RIPK1: variants seen among roughly 807,000 people sequenced by gnomAD.
RIPK1 encodes receptor-interacting serine/threonine-protein kinase 1.
In RIPK1, 27 loss-of-function variants were observed where a neutral mutation model predicts 62.4. The observed-to-expected ratio is 0.43, with a 90% CI of 0.32 to 0.60. RIPK1 has a LOEUF of 0.60. Ranked by LOEUF, RIPK1 falls within the 20% of genes least tolerant of loss-of-function variation. The pLI is 0.07. For synonymous variants in RIPK1, 287 were observed against 303.2 expected, an observed-to-expected ratio of 0.95 and a Z score of 0.55; for missense variants, 735 against 831.0, an observed-to-expected ratio of 0.88 and a Z score of 1.42.
intron 6 of RIPK1, among the ~76,000 whole-genome samples, chr6:3,087,666 A>C (rs947063599): frequency 3.3e-5 from 5 of 151,274 alleles, no homozygotes; most frequent in Non-Finnish European, 7.4e-5. Context: ...CAGCCTCCCG[A>C]GTAGCTGGGA....
chr6:3,111,003 T>C (rs779902450), intron 10 of RIPK1, 48 bp downstream of exon 10: 7 of 1,402,446 alleles, frequency 5.0e-6, no homozygotes, highest in Non-Finnish European at 5.8e-6. Context: ...TGAACTTTCT[T>C]ACTTGTGAGA....
At chr6:3,082,712 C>T (rs968125004) in intron 4 of RIPK1, among the ~76,000 whole-genome samples, 4 of 152,176 alleles carry the variant, frequency 2.6e-5, no homozygotes, top group African/African-American at 9.7e-5. Flanking sequence ...AAGAAAATAA[C>T]CATTTTCCCC....
intron 8 of RIPK1, among the ~76,000 whole-genome samples, chr6:3,104,598 G>A (rs528396031): frequency 1.3e-5 from 2 of 152,298 alleles, no homozygotes; most frequent in African/African-American, 4.8e-5. Context: ...ATATGTGAGA[G>A]CAAAGTCCCT....
In RIPK1 at chr6:3,068,538, C is replaced by T. The variant is rs1758500533; in HGVS notation, c.-184C>T. 1.0e-6 allele frequency: 1 copy of T among 985,356 alleles called. No individual in the cohort carries two copies. The highest frequency in any genetic ancestry group is 1.7e-5 in the African/African-American group (1 of 57,340). 61.0% of individuals were successfully genotyped at this position (985,356 alleles called of 1,614,324 possible). On this transcript the variant is annotated 5_prime_UTR_variant, in exon 1 of 11. Transcript: ENST00000259808. ...GGCGCGCTCGACGCGGACGGCGGGC[C>T]AGCTGCCGGAGCGCGGCGACTCCAG... is the stretch of plus-strand genomic sequence containing the variant.
At chr6:3,073,682 G>C (rs1345690921) in intron 1 of RIPK1, among the ~76,000 whole-genome samples, 1 of 152,224 alleles carries the variant, frequency 6.6e-6, no homozygotes, top group Non-Finnish European at 1.5e-5. Context: ...TCCTCCGCTA[G>C]ACAGAGCTGG....
At chr6:3,081,875 A>G (rs1759405390) in intron 4 of RIPK1, among the ~76,000 whole-genome samples, 2 of 129,204 alleles carry the variant, frequency 1.5e-5, no homozygotes, top group South Asian at 4.7e-4. Context: ...AAAAAAAAAA[A>G]AAAAAAAAAA....
chr6:3,086,749 A>G (rs1759714882), intron 6 of RIPK1, among the ~76,000 whole-genome samples: 1 of 152,164 alleles, frequency 6.6e-6, no homozygotes, highest in Admixed American at 6.5e-5. Flanking sequence ...GTTTAAGGTG[A>G]TTTATGGAAG....
At position 3,113,646 on chromosome 6, in the gene RIPK1, C is replaced by T. The variant is rs77736895; in HGVS notation, c.*307C>T. ...AGCCAACAATCCGCTCTGAGGAAAG[C>T]GTAAGCAGGAAGACCTCTTAATGGC... On this transcript the variant is annotated 3_prime_UTR_variant, in exon 11 of 11. Transcript: ENST00000259808. This position sits in a 1 kb window ranked among gnomAD's most constrained non-coding sequence, Gnocchi z 5.0. The T allele has an allele frequency of 8.3e-3, 2,384 of 287,928 alleles. 62 individuals carry two copies. The highest frequency in any genetic ancestry group is 0.06 in the East Asian group (961 of 16,108). 17.8% of individuals were successfully genotyped at this position (287,928 alleles called of 1,614,324 possible).
rs767304634 is a variant in RIPK1, at chr6:3,113,297, G to A, written c.1974G>A (p.Arg658=). The change falls in exon 11 of 11, where the codon AGG becomes AGA. Residue 658 remains arginine (R), a synonymous_variant. Coordinates refer to ENST00000259808, the MANE Select transcript of RIPK1 (RefSeq NM_001354930.2). The surrounding 1 kb of genome is among the most constrained non-coding windows in gnomAD (Gnocchi z 5.0). ...KLAQALHQCS[R]IDLLSSLIYV... is the part of the protein sequence containing the mutation. ...CCCAGGCGCTCCACCAGTGTTCCAGGATCGACCTTCTGAGCAGCTTGATTT... is the reference window on the plus strand; with the variant it reads ...CCCAGGCGCTCCACCAGTGTTCCAGAATCGACCTTCTGAGCAGCTTGATTT... The A allele has an allele frequency of 1.9e-6, 3 of 1,614,148 alleles. No homozygotes were observed. Among genetic ancestry groups the A allele is most frequent in the Non-Finnish European group, 1.7e-6 (2 of 1,180,026 alleles).
At chr6:3,104,400 T>C (rs1760730140) in intron 8 of RIPK1, 85 bp downstream of exon 8, 1 of 708,710 alleles carries the variant, frequency 1.4e-6, no homozygotes, top group East Asian at 2.5e-5. Flanking sequence ...TTCAGGACCA[T>C]ATGGGAAACA....
At chr6:3,099,459 G>C (rs1760486886) in intron 7 of RIPK1, among the ~76,000 whole-genome samples, 1 of 152,218 alleles carries the variant, frequency 6.6e-6, no homozygotes. Flanking sequence ...CAGGAGAATG[G>C]TGTGAACCCA....
chr6:3,106,012 A>G lies in RIPK1; in HGVS notation c.1537A>G (p.Asn513Asp), dbSNP rs1325939636. The G allele has an allele frequency of 1.2e-6, 2 of 1,612,726 alleles. No individual in the cohort carries two copies. Among genetic ancestry groups the G allele is most frequent in the Non-Finnish European group, 1.7e-6 (2 of 1,178,764 alleles). ...IPVPETNYLG[N>D]TPTMPFSSLP... The stretch of plus-strand genomic sequence containing the variant: ...AGTGCCTGAGACCAACTATCTAGGA[A>G]ATACACCCACCATGCCATTCAGCTC... Residue 513 changes from asparagine (N) to aspartate (D), a missense_variant, in exon 9 of 11, where the codon AAT becomes GAT. Asn to Asp is a conservative substitution (Grantham distance 23). Around this residue, in one of 2 missense-constraint regions of RIPK1, gnomAD observed 671 missense variants for 726.2 expected, o/e 0.92. Coordinates refer to ENST00000259808, the MANE Select transcript of RIPK1 (RefSeq NM_001354930.2).
intron 9 of RIPK1, among the ~76,000 whole-genome samples, chr6:3,109,859 T>C (rs1180346061): frequency 3.9e-5 from 6 of 152,220 alleles, no homozygotes; most frequent in Non-Finnish European, 8.8e-5. Flanking sequence ...CCAGTCTAGG[T>C]ACCTCATGTG....
At position 3,114,592 on chromosome 6, in the gene RIPK1, T is replaced by C. The variant is rs1485396837; in HGVS notation, c.*1253T>C. ...TGGTCAATCTGGCTGTCGGAACAGA[T>C]TCTGGTGTCTTGGGCTGATAACAGT... On this transcript the variant is annotated 3_prime_UTR_variant, in exon 11 of 11. Coordinates refer to ENST00000259808, the MANE Select transcript of RIPK1 (RefSeq NM_001354930.2). The surrounding 1 kb of genome is among the most constrained non-coding windows in gnomAD (Gnocchi z 5.0). 6.6e-6 allele frequency: 1 copy of C among 152,284 alleles called. No individual in the cohort carries two copies. The highest frequency in any genetic ancestry group is 2.4e-5 in the African/African-American group (1 of 41,454). The allele number at this position is 152,284 out of a possible 1,614,324, so 9.4% of individuals were successfully genotyped here.
chr6:3,100,900 A>C lies in RIPK1; in HGVS notation c.916-3325A>C, dbSNP rs183646452. On this transcript the variant is annotated intron_variant, in intron 7 of 10. Transcript: ENST00000259808. ...GAGCCACCATGTCTGGCCTGTTTGA[A>C]TCTTTCAAAAGGACTTTGTACTTAA... Among the ~76,000 whole-genome samples, 578 of 152,286 alleles carry C rather than the reference A, an allele frequency of 3.8e-3. 1 individual carries two copies. Among genetic ancestry groups the C allele is most frequent in the Non-Finnish European group, 7.0e-3 (473 of 68,026 alleles).
chr6:3,084,735 A>T (rs1581399201), intron 5 of RIPK1, among the ~76,000 whole-genome samples: 1 of 152,014 alleles, frequency 6.6e-6, no homozygotes, highest in African/African-American at 2.4e-5. Flanking sequence ...CTGGGACTAC[A>T]GGTGCACACC....
intron 1 of RIPK1, among the ~76,000 whole-genome samples, chr6:3,075,242 T>G (rs750718208): frequency 6.6e-6 from 1 of 152,244 alleles, no homozygotes; most frequent in Non-Finnish European, 1.5e-5. Flanking sequence ...TTTTTAGTTT[T>G]GGATATCCTG....
At position 3,081,039 on chromosome 6, in the gene RIPK1, T is replaced by C; in HGVS notation, c.382T>C (p.Tyr128His). ...TTTGGAAATCATTGAAGGAATGTGC[T>C]ACTTACATGGAAAAGGCGTGATACA... is the stretch of plus-strand genomic sequence containing the variant. ...IILEIIEGMCYLHGKGVIHKD... is the reference protein window; with the variant it reads ...IILEIIEGMCHLHGKGVIHKD... Residue 128 changes from tyrosine to histidine, a missense_variant, in exon 4 of 11, where the codon TAC becomes CAC. Transcript: ENST00000259808. 1 of 1,614,152 alleles carries C rather than the reference T, an allele frequency of 6.2e-7. No individual in the cohort carries two copies. The highest frequency in any genetic ancestry group is 1.1e-5 in the South Asian group (1 of 91,086).
intron 3 of RIPK1, among the ~76,000 whole-genome samples, chr6:3,078,399 C>A (rs1405710827): frequency 2.6e-5 from 4 of 152,306 alleles, no homozygotes; most frequent in African/African-American, 9.6e-5. Flanking sequence ...TCTTCCTTGC[C>A]TTTTACTGCC....
Sources: gnomAD v4.1 joint callset for allele counts (sites outside exome capture counted in the v4.1 genomes callset) on GRCh38, gnomAD v4.1.1 for gene constraint, gnomAD v4.1.1 regional missense constraint, Gnocchi (gnomAD v3.1) non-coding constraint, MANE v1.5 for transcripts, NCBI Gene and HGNC (gene_info 2026-07-23, HGNC 2026-07-21) for gene names.